The following RCAN3 variants were observed in gnomAD, a reference collection of about 807,000 sequenced individuals.
RCAN3 encodes regulator of calcineurin 3.
Under a neutral mutation model 21.9 loss-of-function variants are expected in RCAN3, and 19 were observed. That is an observed-to-expected ratio of 0.87 (90% CI 0.61 to 1.27). RCAN3 has a LOEUF of 1.27. Ranked by LOEUF, RCAN3 falls within the 50% of genes most tolerant of loss-of-function variation. The probability of loss-of-function intolerance (pLI) is 0.00; values close to 1 mark genes in which losing one functional copy is unlikely to be tolerated. For synonymous variants in RCAN3, 114 were observed against 112.3 expected (o/e 1.01, Z -0.09); for missense variants, 240 against 300.1 (o/e 0.80, Z 1.48).
intron 1 of RCAN3, among the ~76,000 whole-genome samples, chr1:24,505,250 T>TTTTTTTTTTTTG (rs1647350771): frequency 7.1e-6 from 1 of 140,214 alleles, no homozygotes; most frequent in African/African-American, 2.7e-5. Context: ...TTTTTTTTTT[T>TTTTTTTTTTTTG]TTTCTTTTTT....
chr1:24,529,998 C>CA (rs201761424), intron 2 of RCAN3, among the ~76,000 whole-genome samples: 6,395 of 96,520 alleles, frequency 0.066, 319 homozygotes, highest in African/African-American at 0.17. Flanking sequence ...GACCCCATCT[C>CA]AAAAAAAAAA....
rs1023120302 is a variant in RCAN3, at chr1:24,535,982, T to C, written c.*705T>C. Reference sequence around the variant, plus strand: ...TTCCTGATGTGGCGCCCTCCAGACATGGCTGCCCAGGAAGGACGGCCACTT... The same window carrying C: ...TTCCTGATGTGGCGCCCTCCAGACACGGCTGCCCAGGAAGGACGGCCACTT... On this transcript the variant is annotated 3_prime_UTR_variant, in exon 5 of 5. Transcript: ENST00000374395. The C allele has an allele frequency of 6.6e-6, 1 of 151,930 alleles. No homozygotes were observed. The highest frequency in any genetic ancestry group is 1.5e-5 in the Non-Finnish European group (1 of 68,038). The allele number at this position is 151,930 out of a possible 1,614,324, so 9.4% of individuals were successfully genotyped here.
rs2148915716 is a variant in RCAN3, at chr1:24,535,157, A to C, written c.606A>C (p.Glu202Asp). The C allele has an allele frequency of 1.3e-6, 2 of 1,598,416 alleles. No homozygotes were observed. The highest frequency in any genetic ancestry group is 8.5e-7 in the Non-Finnish European group (1 of 1,174,642). The change falls in exon 5 of 5, where the codon GAA becomes GAC. Residue 202 changes from glutamate to aspartate, a missense_variant. By Grantham distance (45) the Glu-to-Asp change is conservative (BLOSUM62 2). Transcript: ENST00000374395. ...CCAGCGTGGTGGTTCATGTCTGTGA[A>C]AGTGAAACTGAAGAGGAAGAAGAGA... ...STPSVVVHVC[E>D]SETEEEEETK...
intron 2 of RCAN3, among the ~76,000 whole-genome samples, chr1:24,519,262 G>C (rs1291424639): frequency 1.4e-5 from 2 of 148,002 alleles, no homozygotes; most frequent in African/African-American, 2.5e-5. Context: ...ATGTTGCCCA[G>C]ACTGGTCTCA....
At chr1:24,530,403 G>A (rs1649668611) in intron 2 of RCAN3, among the ~76,000 whole-genome samples, 1 of 145,068 alleles carries the variant, frequency 6.9e-6, no homozygotes, top group Non-Finnish European at 1.5e-5. Context: ...AACAGCAAGG[G>A]AGAACCTCAG....
rs1022548334 is a variant in RCAN3 at position 24,535,350 on chromosome 1, C to G, written c.*73C>G. The G allele has an allele frequency of 4.8e-6, 7 of 1,460,060 alleles. No homozygotes were observed. The highest frequency in any genetic ancestry group is 6.3e-6 in the Non-Finnish European group (7 of 1,104,324). 90.4% of individuals were successfully genotyped at this position (1,460,060 alleles called of 1,614,324 possible). Reference sequence around the variant, plus strand: ...TGGCGCTCTGTGCCTGCGGCCGATGCGTTGCTGCGAACAGCATAGGTGAGA... The same window carrying G: ...TGGCGCTCTGTGCCTGCGGCCGATGGGTTGCTGCGAACAGCATAGGTGAGA... On this transcript the variant is annotated 3_prime_UTR_variant, in exon 5 of 5. Coordinates refer to ENST00000374395, the MANE Select transcript of RCAN3 (RefSeq NM_013441.4).
rs1170319625 is a variant in RCAN3, at chr1:24,514,480, G to A, written c.108G>A (p.Leu36=). The change falls in exon 2 of 5, where the codon TTG becomes TTA. Residue 36 remains leucine (L), a synonymous_variant. Transcript: ENST00000374395. ...TTTTTGGTGAAAATGAAGATGATTT[G>A]GATGAGATGATGGATTTAAGTGATC... ...EMIFGENEDD[L]DEMMDLSDLP... 1.2e-6 allele frequency: 2 copies of A among 1,613,982 alleles called. No homozygotes were observed. The highest frequency in any genetic ancestry group is 2.7e-5 in the African/African-American group (2 of 74,900).
At position 24,535,217 on chromosome 1, in the gene RCAN3, G is replaced by T; in HGVS notation, c.666G>T (p.Arg222Ser). Residue 222 changes from arginine to serine, a missense_variant, in exon 5 of 5, where the codon AGG becomes AGT. Coordinates refer to ENST00000374395, the MANE Select transcript of RCAN3 (RefSeq NM_013441.4). ...KNPKQKIAQT[R>S]RPDPPTAALN... The stretch of plus-strand genomic sequence containing the variant: ...CCAAACAGAAAATTGCCCAGACGAG[G>T]CGCCCCGACCCTCCGACCGCAGCGT... The T allele has an allele frequency of 1.1e-5, 17 of 1,586,376 alleles. No homozygotes were observed. Among genetic ancestry groups the T allele is most frequent in the Non-Finnish European group, 1.0e-5 (12 of 1,170,410 alleles).
Position 24,523,571 on chromosome 1 carries a change from A to C in RCAN3, c.196-7647A>C, listed in dbSNP as rs80076970. On this transcript the variant is annotated intron_variant, in intron 2 of 4. Transcript: ENST00000374395. ...CACAAATATGTATACACACACATAT[A>C]TAAAGGTATATCAAATCTATATTAT... 1.9e-3 allele frequency among the ~76,000 whole-genome samples: 286 copies of C among 151,928 alleles called. 1 individual carries two copies. The highest frequency in any genetic ancestry group is 0.011 in the Admixed American group (175 of 15,218).
intron 1 of RCAN3, among the ~76,000 whole-genome samples, chr1:24,505,688 G>T (rs1647386559): frequency 6.6e-6 from 1 of 152,016 alleles, no homozygotes; most frequent in Non-Finnish European, 1.5e-5. Flanking sequence ...TTTTCCCAAG[G>T]TTATACAGCA....
chr1:24,534,499 C>T (rs918335204), intron 4 of RCAN3, among the ~76,000 whole-genome samples: 4 of 151,884 alleles, frequency 2.6e-5, no homozygotes, highest in African/African-American at 9.7e-5. Context: ...CCCAGCTACT[C>T]GGGAGGCTGA....
rs1650289839 is a variant in RCAN3, at chr1:24,537,377, GTATAA to G, written c.*2108_*2112del. 1 of 151,830 alleles carries G rather than the reference GTATAA, an allele frequency of 6.6e-6. No homozygotes were observed. Among genetic ancestry groups the G allele is most frequent in the African/African-American group, 2.4e-5 (1 of 41,402 alleles). The allele number at this position is 151,830 out of a possible 1,614,324, so 9.4% of individuals were successfully genotyped here. On this transcript the variant is annotated 3_prime_UTR_variant, in exon 5 of 5. Coordinates refer to ENST00000374395, the MANE Select transcript of RCAN3 (RefSeq NM_013441.4). ...AAGTATTAATATTTTCATTTTTCTA[GTATAA>G]TATAATAAAATGAATTTTTTTAAAA...
At chr1:24,516,202 C>T (rs1437721350) in intron 2 of RCAN3, among the ~76,000 whole-genome samples, 4 of 151,966 alleles carry the variant, frequency 2.6e-5, no homozygotes, top group African/African-American at 4.8e-5. Flanking sequence ...CAGTGGCTCT[C>T]GCCTGTAATC....
At chr1:24,509,071 G>A (rs1464310301) in intron 1 of RCAN3, among the ~76,000 whole-genome samples, 1 of 152,100 alleles carries the variant, frequency 6.6e-6, no homozygotes, top group South Asian at 2.1e-4. Flanking sequence ...TGAGGTGGGG[G>A]GATCACCTGA....
chr1:24,535,310 G>T lies in RCAN3; in HGVS notation c.*33G>T. On this transcript the variant is annotated 3_prime_UTR_variant, in exon 5 of 5. Transcript: ENST00000374395. ...GGTTGTGGTGCGAGGCGGCTGCCCTGGTGGGCTCTGGCCATGGCGCTCTGT... is the reference window on the plus strand; with the variant it reads ...GGTTGTGGTGCGAGGCGGCTGCCCTTGTGGGCTCTGGCCATGGCGCTCTGT... 6.6e-7 allele frequency: 1 copy of T among 1,506,004 alleles called. No individual in the cohort carries two copies. The highest frequency in any genetic ancestry group is 8.8e-7 in the Non-Finnish European group (1 of 1,134,826). 93.3% of individuals were successfully genotyped at this position (1,506,004 alleles called of 1,614,324 possible).
chr1:24,535,044 T>C (rs1650115800), intron 4 of RCAN3, 49 bp from the exon 5 acceptor site: 2 of 1,569,760 alleles, frequency 1.3e-6, no homozygotes, highest in Admixed American at 2.1e-5. Flanking sequence ...AAGAGTTCTT[T>C]TTGCTGGAAG....
chr1:24,516,798 A>G (rs1648358663), intron 2 of RCAN3, among the ~76,000 whole-genome samples: 1 of 152,154 alleles, frequency 6.6e-6, no homozygotes, highest in African/African-American at 2.4e-5. Flanking sequence ...CCGCCTGGAG[A>G]TGACCCACCC....
intron 2 of RCAN3, among the ~76,000 whole-genome samples, chr1:24,516,014 G>T (rs1178787766): frequency 1.3e-5 from 2 of 152,080 alleles, no homozygotes; most frequent in Non-Finnish European, 2.9e-5. Flanking sequence ...GTGGTGGCAG[G>T]TGCCTGTAAT....
At chr1:24,528,628 A>G (rs1254646210) in intron 2 of RCAN3, among the ~76,000 whole-genome samples, 3 of 152,242 alleles carry the variant, frequency 2.0e-5, no homozygotes, top group African/African-American at 4.8e-5. Context: ...TCACTACCTA[A>G]TGATTAAAAG....
Sources: gnomAD v4.1 joint callset for allele counts (sites outside exome capture counted in the v4.1 genomes callset) on GRCh38, gnomAD v4.1.1 for gene constraint, MANE v1.5 for transcripts, NCBI Gene and HGNC (gene_info 2026-07-23, HGNC 2026-07-21) for gene names.